Variants in FOXN1 observed in about 807,000 individuals in gnomAD.
FOXN1 encodes the protein forkhead box protein N1.
In FOXN1, 15 loss-of-function variants were observed where a neutral mutation model predicts 49.0. The observed-to-expected ratio is 0.31, with a 90% CI of 0.20 to 0.47. FOXN1 has a LOEUF of 0.47. FOXN1 is among the 20% of genes least tolerant of loss of function. The probability of loss-of-function intolerance (pLI) is 1.00; values close to 1 mark genes in which losing one functional copy is unlikely to be tolerated. For missense variants in FOXN1, 800 were observed against 842.8 expected, an observed-to-expected ratio of 0.95 and a Z score of 0.63; for synonymous variants, 356 against 369.0, an observed-to-expected ratio of 0.96 and a Z score of 0.40.
chr17:28,515,938 C>CCCT (rs2069484926), intron 1 of FOXN1, among the ~76,000 whole-genome samples: 1 of 150,828 alleles, frequency 6.6e-6, no homozygotes, highest in Non-Finnish European at 1.5e-5. Flanking sequence ...CACAGGTATA[C>CCCT]CCTCCTCAAC....
chr17:28,524,868 G>A lies in FOXN1; in HGVS notation c.489G>A (p.Val163=), dbSNP rs539934536. 1 of 1,613,732 alleles carries A rather than the reference G, an allele frequency of 6.2e-7. No homozygotes were observed. The highest frequency in any genetic ancestry group is 1.3e-5 in the African/African-American group (1 of 75,054). ...TGGAGGCCTTCGAGGAGATCCCAGT[G>A]GACGTGGCGGAGGCCGAGGCCTTCC... ...GPLEAFEEIP[V]DVAEAEAFLP... The change falls in exon 3 of 9, where the codon GTG becomes GTA. Residue 163 remains valine (V), a synonymous_variant. Coordinates refer to ENST00000579795, the MANE Select transcript of FOXN1 (RefSeq NM_001369369.1).
At chr17:28,512,544 C>T (rs2069414869) in intron 1 of FOXN1, among the ~76,000 whole-genome samples, 1 of 152,258 alleles carries the variant, frequency 6.6e-6, no homozygotes. Context: ...ACTCCAGAGG[C>T]TGAGGCGAGA....
At chr17:28,535,257 G>A in intron 8 of FOXN1, 59 bp downstream of exon 8, 2 of 1,568,712 alleles carry the variant, frequency 1.3e-6, no homozygotes, top group Non-Finnish European at 1.7e-6. Flanking sequence ...ACCTGGCAGT[G>A]GGACTCATCT....
At chr17:28,512,546 G>C (rs1286175790) in intron 1 of FOXN1, among the ~76,000 whole-genome samples, 5 of 152,264 alleles carry the variant, frequency 3.3e-5, no homozygotes, top group African/African-American at 1.2e-4. Flanking sequence ...TCCAGAGGCT[G>C]AGGCGAGAGC....
At chr17:28,528,157 G>A (rs1160537569) in intron 4 of FOXN1, among the ~76,000 whole-genome samples, 2 of 152,214 alleles carry the variant, frequency 1.3e-5, no homozygotes, top group East Asian at 3.9e-4. Flanking sequence ...CAGGGAGGAA[G>A]GCAAGGGAGA....
chr17:28,537,167 G>A lies in FOXN1; in HGVS notation c.1678G>A (p.Val560Ile). The change falls in exon 9 of 9, where the codon GTA becomes ATA. Residue 560 changes from valine to isoleucine, a missense_variant. Physicochemically the swap from Val to Ile is conservative, Grantham distance 29 (BLOSUM62 3). Transcript: ENST00000579795. Reference protein sequence around the residue: ...KDDSLALDPLVLVTSSPTSSS... With the variant: ...KDDSLALDPLILVTSSPTSSS... ...TGATAGCTTGGCCCTCGACCCCCTG[G>A]TACTGGTGACCTCATCCCCGACATC... is the stretch of plus-strand genomic sequence containing the variant. The A allele has an allele frequency of 6.2e-7, 1 of 1,614,058 alleles. No homozygotes were observed. The highest frequency in any genetic ancestry group is 1.1e-5 in the South Asian group (1 of 91,084).
intron 1 of FOXN1, among the ~76,000 whole-genome samples, chr17:28,521,376 C>T (rs973715398): frequency 6.6e-6 from 1 of 152,206 alleles, no homozygotes; most frequent in Non-Finnish European, 1.5e-5. Flanking sequence ...AATGCCAGCC[C>T]CCTGCACCAA....
intron 1 of FOXN1, among the ~76,000 whole-genome samples, chr17:28,523,390 C>G (rs1240073737): frequency 6.6e-6 from 1 of 152,204 alleles, no homozygotes; most frequent in African/African-American, 2.4e-5. Context: ...ATCAGCCAGG[C>G]TGACCTGAGG....
intron 3 of FOXN1, 50 bp from the exon 4 acceptor site, chr17:28,527,201 G>A (rs1352329986): frequency 2.4e-6 from 3 of 1,239,390 alleles, no homozygotes; most frequent in Non-Finnish European, 3.6e-6. Flanking sequence ...CAGGAAAGAG[G>A]AAGGGAGAAA....
chr17:28,533,217 A>G (rs2069956033), intron 6 of FOXN1, among the ~76,000 whole-genome samples: 1 of 152,156 alleles, frequency 6.6e-6, no homozygotes, highest in African/African-American at 2.4e-5. Flanking sequence ...TTGGGCTGAA[A>G]GGGGGAGGGG....
In FOXN1 at chr17:28,530,810, T is replaced by C. The variant is rs1567883693; in HGVS notation, c.892T>C (p.Tyr298His). Residue 298 changes from tyrosine (Y) to histidine (H), a missense_variant, in exon 6 of 9, where the codon TAC becomes CAC. Coordinates refer to ENST00000579795, the MANE Select transcript of FOXN1 (RefSeq NM_001369369.1). ...KTGSLPVSEI[Y>H]NFMTEHFPYF... The stretch of plus-strand genomic sequence containing the variant: ...TGGGAGCCTTCCCGTCAGCGAGATC[T>C]ACAATTTTATGACGGAGCACTTTCC... 1 of 1,607,950 alleles carries C rather than the reference T, an allele frequency of 6.2e-7. No individual in the cohort carries two copies. Among genetic ancestry groups the C allele is most frequent in the South Asian group, 1.1e-5 (1 of 90,954 alleles).
chr17:28,522,433 G>C (rs1389660616), intron 1 of FOXN1, among the ~76,000 whole-genome samples: 3 of 152,184 alleles, frequency 2.0e-5, no homozygotes, highest in Admixed American at 2.0e-4. Flanking sequence ...GATCATCTGA[G>C]GTCAGGAGTT....
intron 1 of FOXN1, among the ~76,000 whole-genome samples, chr17:28,509,634 G>A (rs1401706303): frequency 2.0e-5 from 3 of 152,254 alleles, no homozygotes; most frequent in Non-Finnish European, 1.5e-5. Flanking sequence ...TCCTATCTGG[G>A]CCGTAAAGGC....
At chr17:28,512,897 A>G (rs1215723647) in intron 1 of FOXN1, among the ~76,000 whole-genome samples, 1 of 152,172 alleles carries the variant, frequency 6.6e-6, no homozygotes, top group East Asian at 1.9e-4. Context: ...TCTGTCAAGG[A>G]GCATCTAAGG....
chr17:28,529,264 G>A, intron 5 of FOXN1, 40 bp downstream of exon 5: 2 of 1,611,740 alleles, frequency 1.2e-6, no homozygotes, highest in Non-Finnish European at 1.7e-6. Flanking sequence ...GAGGAGGGGA[G>A]TGAGAGGGCC....
In FOXN1 at chr17:28,524,109, T is replaced by G; in HGVS notation, c.123+17T>G. On this transcript the variant is annotated intron_variant, in intron 2 of 8. Coordinates refer to ENST00000579795, the MANE Select transcript of FOXN1 (RefSeq NM_001369369.1). ...CCACAGAGTGTAAGTACCCGGCATC[T>G]GGGCCTGGGTTTAGGCCAAGGCCTG... 6.3e-7 allele frequency: 1 copy of G among 1,576,642 alleles called. No individual in the cohort carries two copies. The highest frequency in any genetic ancestry group is 1.3e-5 in the African/African-American group (1 of 74,194).
At chr17:28,523,144 G>T (rs879721421) in intron 1 of FOXN1, among the ~76,000 whole-genome samples, 1 of 152,238 alleles carries the variant, frequency 6.6e-6, no homozygotes, top group Non-Finnish European at 1.5e-5. Context: ...GAAGGTCTGA[G>T]CAGAAAAAGC....
Position 28,535,346 on chromosome 17 carries a change from G to C in FOXN1, c.1627+148G>C, listed in dbSNP as rs556139208. On this transcript the variant is annotated intron_variant, in intron 8 of 8. Transcript: ENST00000579795. Reference sequence around the variant, plus strand: ...AGCAGAGGAGGCTGGACCTGGCAGGGGGAGCTTCCCACTTGCTCTCTGCCA... The same window carrying C: ...AGCAGAGGAGGCTGGACCTGGCAGGCGGAGCTTCCCACTTGCTCTCTGCCA... The C allele has an allele frequency of 1.9e-4, 157 of 805,148 alleles. 2 individuals carry two copies. In the African/African-American group the frequency reaches 2.3e-3, roughly 12 times the overall value. The allele number at this position is 805,148 out of a possible 1,614,324, so 49.9% of individuals were successfully genotyped here.
At position 28,530,821 on chromosome 17, in the gene FOXN1, G is replaced by C. The variant is rs1006349854; in HGVS notation, c.903G>C (p.Met301Ile). ...SLPVSEIYNF[M>I]TEHFPYFKTA... ...CCGTCAGCGAGATCTACAATTTTATGACGGAGCACTTTCCTTACTTCAAGG... is the reference window on the plus strand; with the variant it reads ...CCGTCAGCGAGATCTACAATTTTATCACGGAGCACTTTCCTTACTTCAAGG... Residue 301 changes from methionine to isoleucine, a missense_variant, in exon 6 of 9, where the codon ATG becomes ATC. This residue lies in a region of FOXN1 where 73 missense variants were observed against 118.9 expected (regional missense o/e 0.61). Coordinates refer to ENST00000579795, the MANE Select transcript of FOXN1 (RefSeq NM_001369369.1). 3 of 1,604,736 alleles carry C rather than the reference G, an allele frequency of 1.9e-6. No individual in the cohort carries two copies. Among genetic ancestry groups the C allele is most frequent in the Non-Finnish European group, 2.6e-6 (3 of 1,171,512 alleles).
Sources: gnomAD v4.1 joint callset for allele counts (sites outside exome capture counted in the v4.1 genomes callset) on GRCh38, gnomAD v4.1.1 for gene constraint, gnomAD v4.1.1 regional missense constraint, MANE v1.5 for transcripts, NCBI Gene and HGNC (gene_info 2026-07-23, HGNC 2026-07-21) for gene names.